Variants in EVC observed in about 807,000 individuals in gnomAD.
EVC encodes evC complex member EVC.
A neutral mutation model predicts 118.9 loss-of-function variants in EVC; 116 were observed. The observed-to-expected ratio is 0.98, with a 90% CI of 0.84 to 1.14. The LOEUF is 1.14. Ranked by LOEUF, EVC falls within the 50% of genes most tolerant of loss-of-function variation. EVC has a pLI of 0.00. For missense variants in EVC, 1,401 were observed against 1,246.4 expected, an observed-to-expected ratio of 1.12 and a Z score of -1.87; for synonymous variants, 619 against 534.7, an observed-to-expected ratio of 1.16 and a Z score of -2.18.
At chr4:5,801,786 A>G (rs1458076863) in intron 15 of EVC, 164 bp from the exon 16 acceptor site, 2 of 694,124 alleles carry the variant, frequency 2.9e-6, no homozygotes, top group Non-Finnish European at 5.2e-6. Context: ...TCCCATGACT[A>G]GTTTAAACCA....
chr4:5,734,159 A>G (rs1727304492), intron 5 of EVC, among the ~76,000 whole-genome samples: 1 of 152,176 alleles, frequency 6.6e-6, no homozygotes, highest in Admixed American at 6.5e-5. Context: ...GGGTTTATTC[A>G]GGCATCAAGA....
At chr4:5,820,335 A>C in the EVC span, among the ~76,000 whole-genome samples, 1 of 130,062 alleles carries the variant, frequency 7.7e-6, no homozygotes, top group Non-Finnish European at 1.5e-5. Flanking sequence ...CATCATTGTC[A>C]TCACTATTAC....
At chr4:5,739,998 AG>A (rs1728273661) in intron 5 of EVC, among the ~76,000 whole-genome samples, 2 of 152,128 alleles carry the variant, frequency 1.3e-5, no homozygotes, top group Non-Finnish European at 2.9e-5. Context: ...TTTGACAAAG[AG>A]GCAAAAGCAC....
rs1727914050 is a variant in EVC, at chr4:5,737,704, A to T, written c.703-4012A>T. On this transcript the variant is annotated intron_variant, in intron 5 of 20. Coordinates refer to ENST00000264956, the MANE Select transcript of EVC (RefSeq NM_153717.3). This position sits in a 1 kb window ranked among gnomAD's most constrained non-coding sequence, Gnocchi z 5.0. Reference sequence around the variant, plus strand: ...GCTGTTTATAGCATAGTTTAAGCCCACTATTGACACCTACTGCCCAGAAAA... The same window carrying T: ...GCTGTTTATAGCATAGTTTAAGCCCTCTATTGACACCTACTGCCCAGAAAA... 6.6e-6 allele frequency among the ~76,000 whole-genome samples: 1 copy of T among 152,130 alleles called. No homozygotes were observed. Among genetic ancestry groups the T allele is most frequent in the African/African-American group, 2.4e-5 (1 of 41,440 alleles).
chr4:5,822,495 G>T, the EVC span, among the ~76,000 whole-genome samples: 1 of 83,038 alleles, frequency 1.2e-5, no homozygotes, highest in Non-Finnish European at 2.1e-5. Context: ...GGATCTGAAG[G>T]GGGGGGGGGT....
At chr4:5,748,068 G>C (rs1028331372) in intron 7 of EVC, 80 bp from the exon 8 acceptor site, 3 of 1,484,732 alleles carry the variant, frequency 2.0e-6, no homozygotes, top group Non-Finnish European at 2.8e-6. Context: ...GGAGTGAATT[G>C]TAATTCCCGA....
At position 5,755,194 on chromosome 4, in the gene EVC, C is replaced by T. The variant is rs1730972908; in HGVS notation, c.1465-1070C>T. Among the ~76,000 whole-genome samples the T allele has an allele frequency of 6.6e-6, 1 of 152,172 alleles. No homozygotes were observed. On this transcript the variant is annotated intron_variant, in intron 10 of 20. Transcript: ENST00000264956. The surrounding 1 kb of genome is among the most constrained non-coding windows in gnomAD (Gnocchi z 4.1). ...ATAAGAGGAAGATAAGGCTATTCAG[C>T]TCCTCGTTATTTGGATATTTCTGGG...
chr4:5,734,064 C>T (rs1333846268), intron 5 of EVC, among the ~76,000 whole-genome samples: 1 of 152,204 alleles, frequency 6.6e-6, no homozygotes, highest in Non-Finnish European at 1.5e-5. Flanking sequence ...CTGCCAGATG[C>T]ACCTGGCCTC....
In EVC at chr4:5,746,181, A is replaced by G. The variant is rs768809272; in HGVS notation, c.939+840A>G. Among the ~76,000 whole-genome samples, 30 of 152,266 alleles carry G rather than the reference A, an allele frequency of 2.0e-4. No individual in the cohort carries two copies. The highest frequency in any genetic ancestry group is 2.1e-4 in the South Asian group (1 of 4,818). On this transcript the variant is annotated intron_variant, in intron 7 of 20. Transcript: ENST00000264956. The surrounding 1 kb of genome is among the most constrained non-coding windows in gnomAD (Gnocchi z 5.8). ...TTAAGCCAGCGAGATGGGAGTGTCT[A>G]TTGCCAGCGAGGTGGGAGTCACTGA...
chr4:5,782,762 C>G (rs1006959125), intron 11 of EVC, among the ~76,000 whole-genome samples: 8 of 152,006 alleles, frequency 5.3e-5, no homozygotes, highest in Non-Finnish European at 1.0e-4. Context: ...GTGAGGGGAA[C>G]AGAGGTCTTC....
chr4:5,731,103 G>T lies in EVC; in HGVS notation c.385-322G>T, dbSNP rs765046013. Among the ~76,000 whole-genome samples, 1 of 152,102 alleles carries T rather than the reference G, an allele frequency of 6.6e-6. No individual in the cohort carries two copies. Among genetic ancestry groups the T allele is most frequent in the African/African-American group, 2.4e-5 (1 of 41,416 alleles). The stretch of plus-strand genomic sequence containing the variant: ...GGTCAGGGCAAGCGGTGGCTATGGA[G>T]GAGGTAGGTCAGAGTTGGCAGCTGG... On this transcript the variant is annotated intron_variant, in intron 3 of 20. Transcript: ENST00000264956. The surrounding 1 kb of genome is among the most constrained non-coding windows in gnomAD (Gnocchi z 5.6).
At chr4:5,819,277 G>A (rs916113273), downstream of EVC, among the ~76,000 whole-genome samples, 5 of 152,186 alleles carry the variant, frequency 3.3e-5, no homozygotes, top group African/African-American at 1.2e-4. Flanking sequence ...CTGGGCCTGT[G>A]AGTATGTTAT....
intron 12 of EVC, among the ~76,000 whole-genome samples, chr4:5,788,971 CG>C (rs1169107207): frequency 6.6e-6 from 1 of 152,248 alleles, no homozygotes; most frequent in African/African-American, 2.4e-5. Flanking sequence ...CAGTGTGGCC[CG>C]GGGAAGTCAA....
At chr4:5,822,659 T>C in the EVC span, among the ~76,000 whole-genome samples, 6 of 152,166 alleles carry the variant, frequency 3.9e-5, no homozygotes, top group African/African-American at 1.4e-4. Context: ...GAAGGGTGGA[T>C]AATGCTGAAA....
chr4:5,822,476 G>A, the EVC span, among the ~76,000 whole-genome samples: 1 of 146,818 alleles, frequency 6.8e-6, no homozygotes. Flanking sequence ...TCCCTCATTG[G>A]CGATAGGTGG....
In EVC at chr4:5,725,684, A is replaced by G. The variant is rs193079358; in HGVS notation, c.301-3623A>G. 9.1e-4 allele frequency among the ~76,000 whole-genome samples: 139 copies of G among 152,228 alleles called. 1 individual carries two copies. The highest frequency in any genetic ancestry group is 3.3e-3 in the African/African-American group (137 of 41,526). Reference sequence around the variant, plus strand: ...CTTCTGTAGATTGTCTTACACTCTGATGATAGTTTCTTTTGCTGTGCAGAA... The same window carrying G: ...CTTCTGTAGATTGTCTTACACTCTGGTGATAGTTTCTTTTGCTGTGCAGAA... On this transcript the variant is annotated intron_variant, in intron 2 of 20. Transcript: ENST00000264956.
rs1728991965 is a variant in EVC, at chr4:5,743,943, C to G, written c.802-1261C>G. 6.8e-6 allele frequency among the ~76,000 whole-genome samples: 1 copy of G among 147,850 alleles called. No individual in the cohort carries two copies. Among genetic ancestry groups the G allele is most frequent in the African/African-American group, 2.4e-5 (1 of 41,162 alleles). On this transcript the variant is annotated intron_variant, in intron 6 of 20. Transcript: ENST00000264956. The surrounding 1 kb of genome is among the most constrained non-coding windows in gnomAD (Gnocchi z 4.7). ...ATTAGTAATAATGAAACAATACTGT[C>G]TGTTATAATAGAAAGAATAAGAGCC...
chr4:5,769,182 G>A (rs937435350), intron 11 of EVC, among the ~76,000 whole-genome samples: 9 of 152,090 alleles, frequency 5.9e-5, no homozygotes, highest in African/African-American at 1.2e-4. Flanking sequence ...CAGTTATGGC[G>A]GAAGGCAAAT....
Position 5,733,455 on chromosome 4 carries a change from T to C in EVC, c.702+20T>C. On this transcript the variant is annotated intron_variant, in intron 5 of 20. Transcript: ENST00000264956. ...CATATGGTAGGTGGAGATGTTCGCA[T>C]TCCCTCCTTTTCATGGGGACAGGAG... The C allele has an allele frequency of 6.3e-7, 1 of 1,598,972 alleles. No homozygotes were observed. Among genetic ancestry groups the C allele is most frequent in the Non-Finnish European group, 8.6e-7 (1 of 1,166,380 alleles).
Sources: allele counts gnomAD v4.1 joint callset (sites outside exome capture counted in the v4.1 genomes callset), GRCh38; gene constraint gnomAD v4.1.1; non-coding constraint Gnocchi (gnomAD v3.1); transcripts MANE v1.5; gene names NCBI Gene and HGNC (gene_info 2026-07-23, HGNC 2026-07-21).